Variants in COBL observed in about 807,000 individuals in gnomAD.
The protein encoded by COBL is protein cordon-bleu.
A neutral mutation model predicts 98.8 loss-of-function variants in COBL; 51 were observed. The observed-to-expected ratio is 0.52, with a 90% CI of 0.41 to 0.65. The LOEUF (loss-of-function observed/expected upper bound fraction) is 0.65. Among genes scored for constraint, COBL ranks in the 30% least tolerant of loss-of-function variants. The pLI is 0.00. For synonymous variants in COBL, 634 were observed against 651.7 expected (o/e 0.97, Z 0.41); for missense variants, 1,617 against 1,617.5 (o/e 1.00, Z 0.01).
chr7:51,307,299 A>C (rs1166792855), intron 1 of COBL, among the ~76,000 whole-genome samples: 1 of 152,172 alleles, frequency 6.6e-6, no homozygotes, highest in Non-Finnish European at 1.5e-5. Flanking sequence ...CAGTGAGCTG[A>C]GATCACGCCT....
At chr7:51,106,895 A>G (rs550771422) in intron 6 of COBL, among the ~76,000 whole-genome samples, 2 of 152,254 alleles carry the variant, frequency 1.3e-5, no homozygotes, top group African/African-American at 2.4e-5. Context: ...CTGACTGAGA[A>G]CAAAATGCCC....
intron 6 of COBL, among the ~76,000 whole-genome samples, chr7:51,087,143 C>T (rs867780395): frequency 6.2e-5 from 9 of 145,906 alleles, no homozygotes; most frequent in African/African-American, 2.3e-4. Flanking sequence ...CACACAGAGA[C>T]ATACACACAC....
At chr7:51,026,703 A>G (rs1181685736) in intron 10 of COBL, 38 bp from the exon 11 acceptor site, 3 of 1,600,682 alleles carry the variant, frequency 1.9e-6, no homozygotes, top group South Asian at 1.1e-5. Flanking sequence ...CACTGAGAAC[A>G]TGGAGAAATG....
chr7:51,212,055 C>CATG (rs1368558283), intron 2 of COBL, among the ~76,000 whole-genome samples: 3 of 152,182 alleles, frequency 2.0e-5, no homozygotes, highest in African/African-American at 7.2e-5. Context: ...TCCGCGACAT[C>CATG]ATTTTTACCT....
intron 5 of COBL, among the ~76,000 whole-genome samples, chr7:51,177,185 A>C (rs766735175): frequency 2.0e-5 from 3 of 152,148 alleles, no homozygotes; most frequent in Non-Finnish European, 2.9e-5. Flanking sequence ...TGCAGCACCT[A>C]GGCCAAGAGC....
intron 1 of COBL, among the ~76,000 whole-genome samples, chr7:51,290,721 A>G (rs1800817536): frequency 6.6e-6 from 1 of 151,954 alleles, no homozygotes; most frequent in Non-Finnish European, 1.5e-5. Context: ...TCAAATAATA[A>G]CCCTGAATAC....
In COBL at chr7:51,265,353, G is replaced by A. The variant is rs569174077; in HGVS notation, c.42-45409C>T. Among the ~76,000 whole-genome samples the A allele has an allele frequency of 5.9e-5, 9 of 152,264 alleles. No individual in the cohort carries two copies. In the East Asian group the frequency reaches 1.7e-3, roughly 29 times the overall value. On this transcript the variant is annotated intron_variant, in intron 1 of 12. Transcript: ENST00000265136. ...TCCAGAGAAACCCAGAGCAGGGGCTGTTCCCCATCCACTGACCCCAGCACG... is the reference window on the plus strand; with the variant it reads ...TCCAGAGAAACCCAGAGCAGGGGCTATTCCCCATCCACTGACCCCAGCACG...
At chr7:51,204,323 G>A (rs1030615127) in intron 2 of COBL, among the ~76,000 whole-genome samples, 4 of 152,114 alleles carry the variant, frequency 2.6e-5, no homozygotes, top group Non-Finnish European at 4.4e-5. Context: ...AAGGATGTCC[G>A]CTCTCACAAC....
intron 1 of COBL, among the ~76,000 whole-genome samples, chr7:51,301,189 C>A (rs1801930868): frequency 6.6e-6 from 1 of 152,216 alleles, no homozygotes. Context: ...TCCTCTGGGG[C>A]TCCCTGGCAG....
intron 1 of COBL, among the ~76,000 whole-genome samples, chr7:51,230,389 G>A (rs1160719006): frequency 6.6e-6 from 1 of 152,008 alleles, no homozygotes; most frequent in Non-Finnish European, 1.5e-5. Context: ...TCCTCCCAAG[G>A]CCAAAGACTG....
intron 8 of COBL, among the ~76,000 whole-genome samples, chr7:51,037,996 C>T (rs1375147632): frequency 3.9e-5 from 6 of 152,080 alleles, no homozygotes; most frequent in African/African-American, 9.7e-5. Context: ...GGATTACAGG[C>T]GCCCAACAGC....
At chr7:51,234,558 G>T (rs117058107) in intron 1 of COBL, among the ~76,000 whole-genome samples, 5 of 152,034 alleles carry the variant, frequency 3.3e-5, no homozygotes, top group Admixed American at 1.3e-4. Context: ...AAAACTAGCC[G>T]GGCGTGTTGG....
chr7:51,162,567 A>C (rs1786921444), intron 5 of COBL, among the ~76,000 whole-genome samples: 1 of 152,214 alleles, frequency 6.6e-6, no homozygotes, highest in African/African-American at 2.4e-5. Context: ...TAAACCACTT[A>C]CATTTTCTCA....
intron 5 of COBL, among the ~76,000 whole-genome samples, chr7:51,153,284 A>G (rs1472825911): frequency 6.6e-6 from 1 of 152,170 alleles, no homozygotes; most frequent in African/African-American, 2.4e-5. Context: ...AGTACTGTTA[A>G]TTTTGCTTTA....
chr7:51,088,581 A>G (rs1038427631), intron 6 of COBL, among the ~76,000 whole-genome samples: 4 of 152,134 alleles, frequency 2.6e-5, no homozygotes, highest in Non-Finnish European at 5.9e-5. Context: ...AGCCATATGC[A>G]TCGCACTTTC....
At chr7:51,106,255 C>T (rs546138576) in intron 6 of COBL, among the ~76,000 whole-genome samples, 1 of 150,254 alleles carries the variant, frequency 6.7e-6, no homozygotes, top group Non-Finnish European at 1.5e-5. Flanking sequence ...AAATATGAAA[C>T]CTGGGGATTC....
chr7:51,165,743 A>G (rs1787254000), intron 5 of COBL, among the ~76,000 whole-genome samples: 1 of 151,992 alleles, frequency 6.6e-6, no homozygotes, highest in South Asian at 2.1e-4. Flanking sequence ...AACATTTTTA[A>G]AAACTGAAAT....
intron 7 of COBL, among the ~76,000 whole-genome samples, chr7:51,049,515 C>A (rs1273065825): frequency 6.6e-6 from 1 of 152,152 alleles, no homozygotes. Flanking sequence ...GAACGTGTAC[C>A]CAGTTTAAAC....
At chr7:51,183,752 A>G (rs568996162) in intron 5 of COBL, among the ~76,000 whole-genome samples, 12 of 152,364 alleles carry the variant, frequency 7.9e-5, no homozygotes, top group African/African-American at 2.9e-4. Flanking sequence ...CCATTCACTC[A>G]TTCATTAATC....
Sources: gnomAD v4.1 joint callset for allele counts (sites outside exome capture counted in the v4.1 genomes callset) on GRCh38, gnomAD v4.1.1 for gene constraint, MANE v1.5 for transcripts, NCBI Gene and HGNC (gene_info 2026-07-23, HGNC 2026-07-21) for gene names.